SH3RF1: variants seen among roughly 807,000 people sequenced by gnomAD.
SH3RF1 encodes SH3 domain containing ring finger 1, also known as E3 ubiquitin-protein ligase SH3RF1.
A neutral mutation model predicts 74.0 loss-of-function variants in SH3RF1; 32 were observed. The observed-to-expected ratio is 0.43, with a 90% CI of 0.33 to 0.58. The LOEUF (loss-of-function observed/expected upper bound fraction) is 0.58, where lower values mean the gene tolerates loss of function less well. Among genes scored for constraint, SH3RF1 ranks in the 20% least tolerant of loss-of-function variants. The pLI is 0.05. For synonymous variants in SH3RF1, 396 were observed against 439.6 expected, an observed-to-expected ratio of 0.90 and a Z score of 1.24; for missense variants, 954 against 1,130.9, an observed-to-expected ratio of 0.84 and a Z score of 2.24.
intron 2 of SH3RF1, among the ~76,000 whole-genome samples, chr4:169,202,564 G>T (rs2706722): frequency 1.3e-5 from 2 of 151,938 alleles, no homozygotes; most frequent in East Asian, 1.9e-4. Flanking sequence ...TTAGTATTTG[G>T]GTTAATAACA....
chr4:169,156,703 A>C (rs756611438), intron 2 of SH3RF1, 24 bp from the exon 3 acceptor site: 3 of 1,544,950 alleles, frequency 1.9e-6, no homozygotes, highest in Non-Finnish European at 2.6e-6. Flanking sequence ...AGAGGGATGA[A>C]TTTTAATAAA....
intron 10 of SH3RF1, among the ~76,000 whole-genome samples, chr4:169,109,506 G>C (rs1229290251): frequency 6.6e-6 from 1 of 152,168 alleles, no homozygotes; most frequent in East Asian, 1.9e-4. Context: ...GGGCACAAGG[G>C]GTAAGGGGTG....
intron 10 of SH3RF1, among the ~76,000 whole-genome samples, chr4:169,110,566 G>A (rs983124744): frequency 6.6e-6 from 1 of 152,036 alleles, no homozygotes; most frequent in African/African-American, 2.4e-5. Flanking sequence ...GGAGTTCAAG[G>A]CTAGCTTGGG....
At chr4:169,126,695 T>C (rs1041705320) in intron 6 of SH3RF1, among the ~76,000 whole-genome samples, 2 of 152,178 alleles carry the variant, frequency 1.3e-5, no homozygotes, top group African/African-American at 4.8e-5. Flanking sequence ...GTGATCCTCC[T>C]GCCTCAGCCT....
chr4:169,096,395 C>G lies in SH3RF1; in HGVS notation c.*124G>C, dbSNP rs1732930582. The G allele has an allele frequency of 9.9e-7, 1 of 1,006,612 alleles. No homozygotes were observed. Among genetic ancestry groups the G allele is most frequent in the Non-Finnish European group, 1.5e-6 (1 of 681,312 alleles). The allele number at this position is 1,006,612 out of a possible 1,614,324, so 62.4% of individuals were successfully genotyped here. ...GGTAACTGTGCTGGGGCATCAGAGTCACATACCAATCCTTTGCTCATCTCC... is the reference window on the plus strand; with the variant it reads ...GGTAACTGTGCTGGGGCATCAGAGTGACATACCAATCCTTTGCTCATCTCC... On this transcript the variant is annotated 3_prime_UTR_variant, in exon 12 of 12. Transcript: ENST00000284637.
At chr4:169,108,374 C>T (rs1021347317) in intron 10 of SH3RF1, among the ~76,000 whole-genome samples, 2 of 152,134 alleles carry the variant, frequency 1.3e-5, no homozygotes, top group African/African-American at 4.8e-5. Context: ...AATCTAAATC[C>T]CTAACAACAT....
At chr4:169,263,568 C>T (rs1035068237) in intron 2 of SH3RF1, among the ~76,000 whole-genome samples, 1 of 152,188 alleles carries the variant, frequency 6.6e-6, no homozygotes, top group African/African-American at 2.4e-5. Flanking sequence ...CTAACTTTCT[C>T]CCACTACTTC....
chr4:169,182,754 T>C (rs562056058), intron 2 of SH3RF1, among the ~76,000 whole-genome samples: 18 of 152,228 alleles, frequency 1.2e-4, no homozygotes, highest in African/African-American at 2.9e-4. Flanking sequence ...TAAAGAACGA[T>C]ACACTGACTA....
At chr4:169,206,068 A>G (rs977722572) in intron 2 of SH3RF1, among the ~76,000 whole-genome samples, 23 of 152,364 alleles carry the variant, frequency 1.5e-4, no homozygotes, top group Admixed American at 5.9e-4. Flanking sequence ...AAATGCAAAC[A>G]TTAGTGACAA....
At chr4:169,134,453 C>A (rs533982224) in intron 5 of SH3RF1, among the ~76,000 whole-genome samples, 1 of 152,334 alleles carries the variant, frequency 6.6e-6, no homozygotes, top group Non-Finnish European at 1.5e-5. Flanking sequence ...ATTGTCCACT[C>A]TCTTAAAGCT....
chr4:169,102,395 AT>A lies in SH3RF1; in HGVS notation c.2498+4451del, dbSNP rs56870426. Reference sequence around the variant, plus strand: ...ATCCCTGATCAAAGATCATACATAGATTTTTTTTTTTCCCCCAATTTAGGAG... The same window carrying A: ...ATCCCTGATCAAAGATCATACATAGATTTTTTTTTTCCCCCAATTTAGGAG... On this transcript the variant is annotated intron_variant, in intron 11 of 11. Coordinates refer to ENST00000284637, the MANE Select transcript of SH3RF1 (RefSeq NM_020870.4). 9.5e-4 allele frequency among the ~76,000 whole-genome samples: 142 copies of A among 149,676 alleles called. 1 individual carries two copies. Among genetic ancestry groups the A allele is most frequent in the African/African-American group, 3.4e-3 (137 of 40,352 alleles).
At chr4:169,229,475 CA>C (rs144120791) in intron 2 of SH3RF1, among the ~76,000 whole-genome samples, 40 of 145,776 alleles carry the variant, frequency 2.7e-4, no homozygotes, top group South Asian at 6.6e-4. Context: ...CCCCCCCACC[CA>C]AAAAAAAAAC....
chr4:169,177,256 T>C (rs1338743116), intron 2 of SH3RF1, among the ~76,000 whole-genome samples: 1 of 152,244 alleles, frequency 6.6e-6, no homozygotes, highest in East Asian at 1.9e-4. Context: ...CCTGTCATTA[T>C]GGTTTTGCTT....
At chr4:169,097,651 G>A (rs1471064661) in intron 11 of SH3RF1, among the ~76,000 whole-genome samples, 2 of 152,252 alleles carry the variant, frequency 1.3e-5, no homozygotes, top group South Asian at 2.1e-4. Context: ...CTCAACAAAA[G>A]GGGGGAAAAG....
chr4:169,187,779 T>G (rs1734633768), intron 2 of SH3RF1, among the ~76,000 whole-genome samples: 1 of 152,164 alleles, frequency 6.6e-6, no homozygotes, highest in Non-Finnish European at 1.5e-5. Flanking sequence ...TTGTTTGTGT[T>G]GGGTTGAACA....
chr4:169,139,643 A>G (rs1733752192), intron 4 of SH3RF1, among the ~76,000 whole-genome samples: 1 of 152,116 alleles, frequency 6.6e-6, no homozygotes. Context: ...CCATCTGGAT[A>G]TTGGGTACAT....
intron 2 of SH3RF1, among the ~76,000 whole-genome samples, chr4:169,183,451 T>C (rs1159649396): frequency 6.6e-6 from 1 of 152,026 alleles, no homozygotes; most frequent in African/African-American, 2.4e-5. Context: ...CAGCTAATTT[T>C]TGTATTTTTA....
At chr4:169,230,679 T>G (rs1730722757) in intron 2 of SH3RF1, among the ~76,000 whole-genome samples, 1 of 151,974 alleles carries the variant, frequency 6.6e-6, no homozygotes, top group Non-Finnish European at 1.5e-5. Flanking sequence ...GCCAACATGG[T>G]GAAACTCCAT....
intron 2 of SH3RF1, among the ~76,000 whole-genome samples, chr4:169,165,981 C>G (rs1465323544): frequency 6.6e-6 from 1 of 151,962 alleles, no homozygotes; most frequent in African/African-American, 2.4e-5. Context: ...ATCCCAGACT[C>G]AAATGTAAAA....
Sources: gnomAD v4.1 joint callset for allele counts (sites outside exome capture counted in the v4.1 genomes callset) on GRCh38, gnomAD v4.1.1 for gene constraint, MANE v1.5 for transcripts, NCBI Gene and HGNC (gene_info 2026-07-23, HGNC 2026-07-21) for gene names.